Variants in ERBIN observed in about 807,000 individuals in gnomAD.
ERBIN encodes the protein erbb2 interacting protein, also known as densin-180-like protein.
A neutral mutation model predicts 158.4 loss-of-function variants in ERBIN; 60 were observed. The observed-to-expected ratio is 0.38, with a 90% CI of 0.31 to 0.47. The LOEUF (loss-of-function observed/expected upper bound fraction) is 0.47, where lower values mean the gene tolerates loss of function less well. Among genes scored for constraint, ERBIN ranks in the 20% least tolerant of loss-of-function variants. The pLI is 0.99. For missense variants in ERBIN, 1,610 were observed against 1,648.0 expected (o/e 0.98, Z 0.40); for synonymous variants, 594 against 557.2 (o/e 1.07, Z -0.93).
rs143779997 is a variant in ERBIN, at chr5:65,976,397, C to T, written c.-57-12238C>T. On this transcript the variant is annotated intron_variant, in intron 1 of 25. Transcript: ENST00000284037. ...CTGAAGCATGATAATTGCTTGAACC[C>T]GGGAGGCAGAGGTTGCAGTGAGCTG... Among the ~76,000 whole-genome samples the T allele has an allele frequency of 3.3e-3, 501 of 152,140 alleles. 18 individuals are homozygous for T. In the East Asian group the frequency reaches 0.078, roughly 24 times the overall value.
chr5:65,969,179 GTCACC>G (rs1439907039), intron 1 of ERBIN, among the ~76,000 whole-genome samples: 3 of 152,000 alleles, frequency 2.0e-5, no homozygotes, highest in Non-Finnish European at 4.4e-5. Context: ...GCAAGCCATG[GTCACC>G]CCACACCCAA....
At chr5:66,025,326 G>T in intron 10 of ERBIN, 154 bp from the exon 11 acceptor site, 1 of 668,496 alleles carries the variant, frequency 1.5e-6, no homozygotes, top group East Asian at 2.7e-5. Flanking sequence ...TGAGGGAATA[G>T]AACATTGGGA....
intron 15 of ERBIN, among the ~76,000 whole-genome samples, 181 bp from the exon 16 acceptor site, chr5:66,042,896 T>C (rs1035294431): frequency 3.9e-5 from 6 of 152,136 alleles, no homozygotes; most frequent in African/African-American, 1.4e-4. Flanking sequence ...TAAAGAAATC[T>C]TACATGGACA....
At chr5:66,004,379 CGT>C (rs200125077) in intron 4 of ERBIN, among the ~76,000 whole-genome samples, 6,197 of 151,912 alleles carry the variant, frequency 0.041, 420 homozygotes, top group African/African-American at 0.14. Context: ...TCTGTGTGTG[CGT>C]GTGTGTGTGC....
At chr5:65,966,981 G>A (rs1295816078) in intron 1 of ERBIN, among the ~76,000 whole-genome samples, 1 of 152,006 alleles carries the variant, frequency 6.6e-6, no homozygotes, top group African/African-American at 2.4e-5. Context: ...ATAAAATAAG[G>A]ATATAGGAGC....
At chr5:65,964,461 A>G (rs1240206640) in intron 1 of ERBIN, among the ~76,000 whole-genome samples, 1 of 152,236 alleles carries the variant, frequency 6.6e-6, no homozygotes, top group African/African-American at 2.4e-5. Flanking sequence ...GTTGGAGAAC[A>G]GGCAGTGTAG....
rs544836331 is a variant in ERBIN, at chr5:66,062,973, G to T, written c.3633+8022G>T. 2.0e-5 allele frequency among the ~76,000 whole-genome samples: 3 copies of T among 152,362 alleles called. No individual in the cohort carries two copies. In the East Asian group the frequency reaches 5.8e-4, roughly 29 times the overall value. On this transcript the variant is annotated intron_variant, in intron 21 of 25. Transcript: ENST00000284037. ...CTACTGGGGGGTGCCTCCCAGTTAG[G>T]CTACTTGAGGGTCAGGGACCCACTT...
intron 6 of ERBIN, 134 bp downstream of exon 6, chr5:66,013,772 T>C (rs1754440930): frequency 1.8e-6 from 1 of 570,934 alleles, no homozygotes; most frequent in Non-Finnish European, 3.0e-6. Context: ...ATTGTGACTT[T>C]TATACTTTGT....
chr5:65,965,311 C>T (rs974294776), intron 1 of ERBIN, among the ~76,000 whole-genome samples: 2 of 150,428 alleles, frequency 1.3e-5, no homozygotes, highest in African/African-American at 4.9e-5. Flanking sequence ...GGCATTTATA[C>T]CTTCTCTTTT....
chr5:65,962,565 A>G (rs1748041854), intron 1 of ERBIN, among the ~76,000 whole-genome samples: 1 of 152,212 alleles, frequency 6.6e-6, no homozygotes. Flanking sequence ...GACATTTCAT[A>G]AATGAAGGTG....
At chr5:66,064,099 A>G (rs1413173350) in intron 21 of ERBIN, among the ~76,000 whole-genome samples, 1 of 152,202 alleles carries the variant, frequency 6.6e-6, no homozygotes, top group East Asian at 1.9e-4. Context: ...AAATGTTTTC[A>G]TTTTGAAAGA....
chr5:65,965,498 G>A (rs1748498300), intron 1 of ERBIN, among the ~76,000 whole-genome samples: 1 of 147,100 alleles, frequency 6.8e-6, no homozygotes, highest in South Asian at 2.2e-4. Context: ...TTCGCCTCCT[G>A]GGTTCAAGCG....
At chr5:65,944,096 T>C (rs980421631) in intron 1 of ERBIN, among the ~76,000 whole-genome samples, 1 of 152,220 alleles carries the variant, frequency 6.6e-6, no homozygotes, top group East Asian at 1.9e-4. Context: ...TGGATAATGC[T>C]GTATGAACAT....
intron 1 of ERBIN, among the ~76,000 whole-genome samples, chr5:65,968,618 T>TGG (rs1748920162): frequency 6.6e-6 from 1 of 152,230 alleles, no homozygotes; most frequent in African/African-American, 2.4e-5. Context: ...TGGAGTGCAG[T>TGG]GGCCCGATCT....
At position 66,053,623 on chromosome 5, in the gene ERBIN, A is replaced by G; in HGVS notation, c.2305A>G (p.Lys769Glu). The part of the protein sequence containing the change: ...KLDHINMNLN[K>E]LITNDTFQPE... ...AGATCATATCAATATGAATCTTAAT[A>G]AACTTATAACTAATGATACATTTCA... Residue 769 changes from lysine to glutamate, a missense_variant, in exon 21 of 26, where the codon AAA (lysine) becomes GAA (glutamate). Transcript: ENST00000284037. The G allele has an allele frequency of 6.2e-7, 1 of 1,611,412 alleles. No homozygotes were observed. Among genetic ancestry groups the G allele is most frequent in the Non-Finnish European group, 8.5e-7 (1 of 1,179,170 alleles).
chr5:66,056,697 A>G (rs1759616676), intron 21 of ERBIN, among the ~76,000 whole-genome samples: 1 of 152,156 alleles, frequency 6.6e-6, no homozygotes, highest in Non-Finnish European at 1.5e-5. Context: ...GAGAAAAGAA[A>G]CAGGGCAAAC....
intron 4 of ERBIN, among the ~76,000 whole-genome samples, chr5:66,001,343 A>C (rs1373524367): frequency 6.6e-6 from 1 of 152,166 alleles, no homozygotes; most frequent in Non-Finnish European, 1.5e-5. Context: ...ACTGTTTGGA[A>C]GGAGGCAGGA....
At chr5:66,068,834 A>T (rs112423953) in intron 21 of ERBIN, 2 of 1,477,180 alleles carry the variant, frequency 1.4e-6, no homozygotes, top group Non-Finnish European at 1.8e-6. Flanking sequence ...TGGATTTTGC[A>T]TGCTACACTA....
At chr5:66,056,611 A>G (rs984583522) in intron 21 of ERBIN, among the ~76,000 whole-genome samples, 7 of 152,012 alleles carry the variant, frequency 4.6e-5, no homozygotes, top group East Asian at 1.9e-4. Flanking sequence ...AGAGTATATG[A>G]CAGTAGTTTC....
Sources: allele counts gnomAD v4.1 joint callset (sites outside exome capture counted in the v4.1 genomes callset), GRCh38; gene constraint gnomAD v4.1.1; transcripts MANE v1.5; gene names NCBI Gene and HGNC (gene_info 2026-07-23, HGNC 2026-07-21).